Variants in EVL observed in about 807,000 individuals in gnomAD.
The protein encoded by EVL is ena/VASP-like protein.
EVL carries 21 observed loss-of-function variants against 59.6 expected under a neutral mutation model. The observed-to-expected ratio is 0.35, with a 90% confidence interval of 0.25 to 0.51. EVL has a LOEUF of 0.51. Among genes scored for constraint, EVL ranks in the 20% least tolerant of loss-of-function variants. The pLI, the probability that EVL is intolerant of heterozygous loss-of-function variation, is 0.97. For synonymous variants in EVL, 198 were observed against 203.5 expected (o/e 0.97, Z 0.23); for missense variants, 462 against 546.6 (o/e 0.85, Z 1.54).
At chr14:99,978,519 A>G (rs2060785373) in intron 1 of EVL, among the ~76,000 whole-genome samples, 1 of 152,162 alleles carries the variant, frequency 6.6e-6, no homozygotes, top group Non-Finnish European at 1.5e-5. Context: ...GATTTTTAAA[A>G]TTGCTACAGT....
intron 1 of EVL, among the ~76,000 whole-genome samples, chr14:99,986,999 A>G (rs1202088917): frequency 1.3e-5 from 2 of 152,220 alleles, no homozygotes; most frequent in Non-Finnish European, 2.9e-5. Flanking sequence ...ATGTTAGACA[A>G]TGGTTTCTTA....
intron 1 of EVL, among the ~76,000 whole-genome samples, chr14:99,995,813 T>A (rs1454786025): frequency 6.6e-6 from 1 of 152,186 alleles, no homozygotes; most frequent in Non-Finnish European, 1.5e-5. Flanking sequence ...GAGTCTTCTC[T>A]ATGCATGTAA....
chr14:100,141,098 A>T (rs1411713175), intron 11 of EVL, 82 bp from the exon 12 acceptor site: 1 of 1,403,642 alleles, frequency 7.1e-7, no homozygotes, highest in Non-Finnish European at 9.9e-7. Flanking sequence ...AGGTGGGCCC[A>T]GCCTGAGCGG....
intron 1 of EVL, among the ~76,000 whole-genome samples, chr14:99,993,728 T>G (rs2060891962): frequency 6.9e-6 from 1 of 145,544 alleles, no homozygotes; most frequent in Non-Finnish European, 1.5e-5. Context: ...GTTCCATCCT[T>G]GTTGCCCAGG....
At chr14:99,987,307 A>C (rs2060845712) in intron 1 of EVL, among the ~76,000 whole-genome samples, 1 of 152,206 alleles carries the variant, frequency 6.6e-6, no homozygotes, top group Non-Finnish European at 1.5e-5. Flanking sequence ...TGATTAGGTC[A>C]TGAGGGTTGA....
At chr14:99,985,929 C>T (rs928823448) in intron 1 of EVL, among the ~76,000 whole-genome samples, 11 of 152,262 alleles carry the variant, frequency 7.2e-5, no homozygotes, top group Admixed American at 5.9e-4. Context: ...CGACCTAGCA[C>T]ACAAATGAAA....
chr14:100,123,830 C>T (rs970927872), intron 4 of EVL, among the ~76,000 whole-genome samples: 3 of 152,196 alleles, frequency 2.0e-5, no homozygotes, highest in African/African-American at 7.2e-5. Flanking sequence ...GTCTGGCATT[C>T]TACAGAGAGT....
chr14:100,074,339 T>G (rs539517499), intron 1 of EVL, among the ~76,000 whole-genome samples: 22 of 152,332 alleles, frequency 1.4e-4, no homozygotes, highest in Admixed American at 8.5e-4. Flanking sequence ...TTGCCTCATA[T>G]GGATTTGCTG....
At chr14:100,051,186 G>A (rs1031878750) in intron 1 of EVL, among the ~76,000 whole-genome samples, 1 of 152,170 alleles carries the variant, frequency 6.6e-6, no homozygotes, top group African/African-American at 2.4e-5. Flanking sequence ...ATTTTAAATT[G>A]TAGGCCATTC....
exon 1 of EVL, chr14:99,971,763 G>GC (rs1329198417): frequency 7.0e-6 from 1 of 142,332 alleles, no homozygotes; most frequent in African/African-American, 2.6e-5. Context: ...CCCGGCGGCG[G>GC]CCCCCAGGCA....
chr14:100,033,124 G>A (rs752811696), intron 1 of EVL, among the ~76,000 whole-genome samples: 1 of 152,130 alleles, frequency 6.6e-6, no homozygotes, highest in African/African-American at 2.4e-5. Flanking sequence ...AGATCAGCCG[G>A]AAAGACTAAA....
At chr14:100,113,227 G>C (rs1438103539) in intron 3 of EVL, among the ~76,000 whole-genome samples, 1 of 152,180 alleles carries the variant, frequency 6.6e-6, no homozygotes, top group Non-Finnish European at 1.5e-5. Flanking sequence ...TGCGGGAGAA[G>C]AGAAAGGGGA....
At chr14:100,051,748 G>A (rs1360493488) in intron 1 of EVL, among the ~76,000 whole-genome samples, 1 of 152,182 alleles carries the variant, frequency 6.6e-6, no homozygotes, top group Non-Finnish European at 1.5e-5. Context: ...GGTACATAAA[G>A]ACTTCCTGGG....
At chr14:100,016,793 T>A (rs1421760104) in intron 1 of EVL, among the ~76,000 whole-genome samples, 1 of 152,210 alleles carries the variant, frequency 6.6e-6, no homozygotes, top group Non-Finnish European at 1.5e-5. Flanking sequence ...TGGACCCCAA[T>A]GCCATGTCAG....
At chr14:100,120,369 C>A (rs1000294576) in intron 3 of EVL, among the ~76,000 whole-genome samples, 1 of 152,170 alleles carries the variant, frequency 6.6e-6, no homozygotes, top group Non-Finnish European at 1.5e-5. Flanking sequence ...GCGTGGAGTG[C>A]GGAGTGAGAC....
At position 100,129,654 on chromosome 14, in the gene EVL, T is replaced by A; in HGVS notation, c.809T>A (p.Met270Lys). 6.3e-7 allele frequency: 1 copy of A among 1,595,454 alleles called. No individual in the cohort carries two copies. Among genetic ancestry groups the A allele is most frequent in the Non-Finnish European group, 8.5e-7 (1 of 1,170,110 alleles). The change falls in exon 7 of 14, where the codon ATG becomes AAG. Residue 270 changes from methionine (M) to lysine (K), a missense_variant. By Grantham distance (95) the Met-to-Lys change is moderately conservative. Transcript: ENST00000392920. Reference protein sequence around the residue: ...ASSGGGGGGLMEEMNKLLAKR... With the variant: ...ASSGGGGGGLKEEMNKLLAKR... ...AGCGGGGGTGGCGGAGGAGGCCTCA[T>A]GGAGGAAATGAACAAACTGCTGGCC...
chr14:100,034,321 A>G (rs2061357505), intron 1 of EVL, among the ~76,000 whole-genome samples: 1 of 151,978 alleles, frequency 6.6e-6, no homozygotes, highest in Admixed American at 6.6e-5. Context: ...GAAGGGTCTG[A>G]GAAGTCTTAT....
At chr14:100,044,516 C>T (rs2061518529) in intron 1 of EVL, among the ~76,000 whole-genome samples, 1 of 152,074 alleles carries the variant, frequency 6.6e-6, no homozygotes, top group South Asian at 2.1e-4. Flanking sequence ...TTCAGTCTGC[C>T]GGGCACTGGG....
chr14:100,109,438 A>G lies in EVL; in HGVS notation c.358+11780A>G. 1 of 385,702 alleles carries G rather than the reference A, an allele frequency of 2.6e-6. No homozygotes were observed. The highest frequency in any genetic ancestry group is 5.2e-6 in the Non-Finnish European group (1 of 192,276). The allele number at this position is 385,702 out of a possible 1,614,324, so 23.9% of individuals were successfully genotyped here. The stretch of plus-strand genomic sequence containing the variant: ...GTTTGGACCCTGGGTTTGTTTGTCT[A>G]GACTGTGAGCTCCTCGAGGGCAGGT... On this transcript the variant is annotated intron_variant, in intron 3 of 13. Coordinates refer to ENST00000392920, the MANE Select transcript of EVL (RefSeq NM_016337.3). This position sits in a 1 kb window ranked among gnomAD's most constrained non-coding sequence, Gnocchi z 4.3.
Sources: allele counts gnomAD v4.1 joint callset (sites outside exome capture counted in the v4.1 genomes callset), GRCh38; gene constraint gnomAD v4.1.1; non-coding constraint Gnocchi (gnomAD v3.1); transcripts MANE v1.5; gene names NCBI Gene and HGNC (gene_info 2026-07-23, HGNC 2026-07-21).